Variants in VOPP1 observed in about 807,000 individuals in gnomAD.
VOPP1 encodes WW domain binding protein VOPP1.
In VOPP1, 8 loss-of-function variants were observed where a neutral mutation model predicts 23.5. That is an observed-to-expected ratio of 0.34 (90% CI 0.20 to 0.61). The LOEUF is 0.61. Ranked by LOEUF, VOPP1 falls within the 20% of genes least tolerant of loss-of-function variation. VOPP1 has a pLI of 0.78. For missense variants in VOPP1, 174 were observed against 238.1 expected (o/e 0.73, Z 1.77); for synonymous variants, 83 against 97.3 (o/e 0.85, Z 0.86).
At chr7:55,527,872 T>C (rs539890740) in intron 1 of VOPP1, among the ~76,000 whole-genome samples, 9 of 152,124 alleles carry the variant, frequency 5.9e-5, no homozygotes, top group South Asian at 2.1e-4. Context: ...TAAATTACAA[T>C]AGTATGGTTT....
intron 4 of VOPP1, among the ~76,000 whole-genome samples, chr7:55,492,029 T>C (rs140958827): frequency 6.6e-6 from 1 of 152,286 alleles, no homozygotes; most frequent in African/African-American, 2.4e-5. Context: ...AATACGCTTA[T>C]ACAAACTGCA....
chr7:55,509,765 T>G (rs556049426), intron 2 of VOPP1, among the ~76,000 whole-genome samples: 1 of 152,342 alleles, frequency 6.6e-6, no homozygotes, highest in African/African-American at 2.4e-5. Context: ...CATTCTCTGC[T>G]CAGTCTTCTA....
intron 2 of VOPP1, among the ~76,000 whole-genome samples, chr7:55,507,552 T>C (rs1406506124): frequency 1.3e-5 from 2 of 152,234 alleles, no homozygotes; most frequent in Non-Finnish European, 2.9e-5. Flanking sequence ...ACTTGTAATA[T>C]TGTACGTCTG....
intron 4 of VOPP1, among the ~76,000 whole-genome samples, chr7:55,464,730 TAC>T (rs1791590622): frequency 6.6e-6 from 1 of 152,190 alleles, no homozygotes; most frequent in South Asian, 2.1e-4. Context: ...GATGTGGAGA[TAC>T]AGAGGCTGTT....
intron 4 of VOPP1, among the ~76,000 whole-genome samples, chr7:55,442,666 A>ACC (rs1790996153): frequency 6.6e-6 from 1 of 151,944 alleles, no homozygotes; most frequent in African/African-American, 2.4e-5. Context: ...AAAAAAAAAA[A>ACC]ACCTAAATCT....
chr7:55,507,890 T>C (rs1158376544), intron 2 of VOPP1, among the ~76,000 whole-genome samples: 1 of 152,198 alleles, frequency 6.6e-6, no homozygotes, highest in Non-Finnish European at 1.5e-5. Flanking sequence ...ACTGCTTTGA[T>C]GAGGCCTGAG....
chr7:55,439,758 C>G (rs2128998844), intron 4 of VOPP1, among the ~76,000 whole-genome samples: 1 of 152,304 alleles, frequency 6.6e-6, no homozygotes, highest in South Asian at 2.1e-4. Context: ...GGCGCCAGCT[C>G]AGCAGCATCT....
chr7:55,490,687 A>C (rs1281674085), intron 4 of VOPP1, among the ~76,000 whole-genome samples: 2 of 152,318 alleles, frequency 1.3e-5, no homozygotes, highest in South Asian at 2.1e-4. Flanking sequence ...TCATTTTAAC[A>C]GAAATTTTGC....
chr7:55,441,855 C>T lies in VOPP1; in HGVS notation n.418-5681G>A, dbSNP rs553720988. 2.4e-4 allele frequency among the ~76,000 whole-genome samples: 37 copies of T among 152,308 alleles called. No homozygotes were observed. In the South Asian group the frequency reaches 7.5e-3, roughly 31 times the overall value. On this transcript the variant is annotated intron_variant and non_coding_transcript_variant, in intron 4 of 4. Coordinates refer to the VOPP1 transcript ENST00000462326. ...AGCTTCAGCACACACATGCCTCACA[C>T]ATGGCTGGCTCTTCTGGGGAGATGT...
intron 4 of VOPP1, among the ~76,000 whole-genome samples, chr7:55,446,208 T>C (rs543923866): frequency 6.1e-4 from 93 of 152,284 alleles, no homozygotes; most frequent in Non-Finnish European, 8.8e-4. Context: ...TTAGCCAGGA[T>C]GGTCTCAATC....
chr7:55,561,923 C>T (rs770368911), intron 1 of VOPP1: 11 of 702,392 alleles, frequency 1.6e-5, no homozygotes, highest in African/African-American at 1.0e-4. Flanking sequence ...GGAGTTGAAA[C>T]GGCAGTCAAA....
rs558890940 is a variant in VOPP1, at chr7:55,477,710, T to C, written c.329-4665A>G. ...CCTACCAGGAACTGGTGGGACGGGA[T>C]TGAAATATTTGAACATGGAGATGGA... On this transcript the variant is annotated intron_variant, in intron 4 of 4. Coordinates refer to ENST00000285279, the MANE Select transcript of VOPP1 (RefSeq NM_030796.5). Among the ~76,000 whole-genome samples, 23 of 152,294 alleles carry C rather than the reference T, an allele frequency of 1.5e-4. No individual in the cohort carries two copies. The South Asian group carries it at 4.8e-3, about 32-fold the overall frequency.
chr7:55,476,915 A>T (rs541014522), intron 4 of VOPP1, among the ~76,000 whole-genome samples: 1 of 152,104 alleles, frequency 6.6e-6, no homozygotes, highest in Non-Finnish European at 1.5e-5. Flanking sequence ...CTTGTGTCTC[A>T]CCGCCTGCCC....
chr7:55,530,671 A>G (rs1175789354), intron 1 of VOPP1, among the ~76,000 whole-genome samples: 1 of 152,194 alleles, frequency 6.6e-6, no homozygotes, highest in African/African-American at 2.4e-5. Flanking sequence ...TGTCTGTCAC[A>G]TCGTGTGCAT....
intron 4 of VOPP1, among the ~76,000 whole-genome samples, chr7:55,443,413 G>C (rs1791015521): frequency 6.6e-6 from 1 of 151,696 alleles, no homozygotes; most frequent in Non-Finnish European, 1.5e-5. Flanking sequence ...AATAAGCCAG[G>C]CGTGGTGGCG....
At chr7:55,442,626 A>C (rs574256193) in intron 4 of VOPP1, among the ~76,000 whole-genome samples, 1 of 149,988 alleles carries the variant, frequency 6.7e-6, no homozygotes, top group Non-Finnish European at 1.5e-5. Flanking sequence ...CTTCTAATGG[A>C]AATACACACC....
chr7:55,478,178 A>G (rs895727760), intron 4 of VOPP1, among the ~76,000 whole-genome samples: 2 of 152,254 alleles, frequency 1.3e-5, no homozygotes, highest in Admixed American at 6.5e-5. Flanking sequence ...ATGTGCCCAC[A>G]GACTTCAGAG....
intron 1 of VOPP1, among the ~76,000 whole-genome samples, chr7:55,522,341 A>G (rs1446572179): frequency 1.3e-5 from 2 of 152,148 alleles, no homozygotes; most frequent in Non-Finnish European, 2.9e-5. Context: ...GCTTTAAGAC[A>G]CTCAGAAGCA....
chr7:55,508,545 G>A (rs765311783), intron 2 of VOPP1, among the ~76,000 whole-genome samples: 1 of 152,198 alleles, frequency 6.6e-6, no homozygotes, highest in Non-Finnish European at 1.5e-5. Context: ...GATTACAGGT[G>A]TGAGCCACTG....
Sources: allele counts gnomAD v4.1 joint callset (sites outside exome capture counted in the v4.1 genomes callset), GRCh38; gene constraint gnomAD v4.1.1; transcripts MANE v1.5; gene names NCBI Gene and HGNC (gene_info 2026-07-23, HGNC 2026-07-21).